RPS6KC1: variants seen among roughly 807,000 people sequenced by gnomAD.
RPS6KC1 encodes the protein ribosomal protein S6 kinase C1, also known as inactive ribosomal protein S6 kinase delta-1.
A neutral mutation model predicts 103.8 loss-of-function variants in RPS6KC1; 54 were observed. The ratio of observed to expected loss-of-function variants is 0.52; its 90% confidence interval spans 0.42 to 0.65. RPS6KC1 has a LOEUF of 0.65. RPS6KC1 is among the 30% of genes least tolerant of loss of function. The probability of loss-of-function intolerance (pLI) is 0.00; values close to 1 mark genes in which losing one functional copy is unlikely to be tolerated. For missense variants in RPS6KC1, 1,151 were observed against 1,253.8 expected (o/e 0.92, Z 1.24); for synonymous variants, 439 against 438.7 (o/e 1.00, Z -0.01).
chr1:213,793,649 C>T, the RPS6KC1 span, among the ~76,000 whole-genome samples: 2 of 152,254 alleles, frequency 1.3e-5, no homozygotes, highest in African/African-American at 2.4e-5. Context: ...GCATGTCAGT[C>T]AAGACTAACC....
chr1:213,549,067 C>T, the RPS6KC1 span, among the ~76,000 whole-genome samples: 1 of 152,192 alleles, frequency 6.6e-6, no homozygotes, highest in Non-Finnish European at 1.5e-5. Flanking sequence ...CTTCTGGTGG[C>T]TCCATTTCCC....
chr1:213,708,124 C>T, the RPS6KC1 span, among the ~76,000 whole-genome samples: 2 of 152,118 alleles, frequency 1.3e-5, no homozygotes, highest in Non-Finnish European at 2.9e-5. Flanking sequence ...TTCTAAATTA[C>T]TTTGGGCAGT....
the RPS6KC1 span, among the ~76,000 whole-genome samples, chr1:213,406,595 A>C: frequency 6.6e-6 from 1 of 152,136 alleles, no homozygotes; most frequent in African/African-American, 2.4e-5. Flanking sequence ...TGTTGGATTA[A>C]TCACTTCCCT....
At chr1:213,537,865 T>C in the RPS6KC1 span, among the ~76,000 whole-genome samples, 1 of 152,230 alleles carries the variant, frequency 6.6e-6, no homozygotes, top group Non-Finnish European at 1.5e-5. Context: ...AGGTGCTTTG[T>C]ATATATCTAT....
At chr1:213,399,430 C>G in the RPS6KC1 span, among the ~76,000 whole-genome samples, 1 of 152,134 alleles carries the variant, frequency 6.6e-6, no homozygotes, top group Admixed American at 6.5e-5. Context: ...TGAGCCTTGG[C>G]TGTTGTGCCT....
chr1:213,521,576 T>C, the RPS6KC1 span, among the ~76,000 whole-genome samples: 2 of 152,188 alleles, frequency 1.3e-5, no homozygotes, highest in Non-Finnish European at 2.9e-5. Context: ...TTGATAGCAT[T>C]TTACCCACAG....
the RPS6KC1 span, among the ~76,000 whole-genome samples, chr1:213,828,391 T>G: frequency 2.0e-5 from 3 of 152,186 alleles, no homozygotes; most frequent in Admixed American, 6.5e-5. Context: ...GAAAACAAGT[T>G]TTTTTAAATC....
the RPS6KC1 span, among the ~76,000 whole-genome samples, chr1:213,308,316 G>GAAAA: frequency 1.8e-5 from 1 of 55,854 alleles, no homozygotes. Flanking sequence ...CCTGTCTCCA[G>GAAAA]AAAAAAAAAA....
chr1:213,674,849 G>C, the RPS6KC1 span, among the ~76,000 whole-genome samples: 1 of 152,026 alleles, frequency 6.6e-6, no homozygotes, highest in Non-Finnish European at 1.5e-5. Context: ...GTATAAGATG[G>C]TATCTCATTG....
chr1:213,700,567 AT>A, the RPS6KC1 span, among the ~76,000 whole-genome samples: 8 of 148,822 alleles, frequency 5.4e-5, no homozygotes, highest in East Asian at 5.9e-4. Flanking sequence ...AAATTTTAGG[AT>A]TTTTTTTTTC....
the RPS6KC1 span, among the ~76,000 whole-genome samples, chr1:213,754,134 G>C: frequency 6.6e-6 from 1 of 152,310 alleles, no homozygotes; most frequent in Admixed American, 6.5e-5. Flanking sequence ...AAACATCATA[G>C]ACCAGGTGGC....
the RPS6KC1 span, among the ~76,000 whole-genome samples, chr1:213,475,553 C>G: frequency 3.3e-5 from 5 of 152,266 alleles, no homozygotes; most frequent in South Asian, 1.0e-3. Flanking sequence ...AAAGAACATG[C>G]CGGTGGAGCT....
At chr1:213,769,402 G>T in the RPS6KC1 span, among the ~76,000 whole-genome samples, 1 of 152,154 alleles carries the variant, frequency 6.6e-6, no homozygotes, top group East Asian at 1.9e-4. Context: ...AGGTAAGGCT[G>T]CTCTGATGGT....
At chr1:213,401,166 T>C in the RPS6KC1 span, among the ~76,000 whole-genome samples, 1 of 152,172 alleles carries the variant, frequency 6.6e-6, no homozygotes, top group Non-Finnish European at 1.5e-5. Flanking sequence ...GGTTTTCCTC[T>C]GCTTAGGTGG....
intron 6 of RPS6KC1, among the ~76,000 whole-genome samples, chr1:213,137,897 A>G (rs1353026436): frequency 7.4e-6 from 1 of 135,812 alleles, no homozygotes; most frequent in Admixed American, 7.9e-5. Context: ...ATTGGCTTAC[A>G]ATAGGGGGCC....
chr1:213,689,508 C>G, the RPS6KC1 span, among the ~76,000 whole-genome samples: 1 of 152,202 alleles, frequency 6.6e-6, no homozygotes, highest in Admixed American at 6.5e-5. Flanking sequence ...GTTCTCCCCA[C>G]AGGGTATTTC....
the RPS6KC1 span, among the ~76,000 whole-genome samples, chr1:213,843,968 T>G: frequency 3.3e-5 from 5 of 152,060 alleles, no homozygotes; most frequent in Admixed American, 1.3e-4. Flanking sequence ...ATGGCTGTTG[T>G]TGAGGACTCC....
At chr1:213,702,982 C>T in the RPS6KC1 span, among the ~76,000 whole-genome samples, 9 of 151,598 alleles carry the variant, frequency 5.9e-5, no homozygotes, top group African/African-American at 2.2e-4. Context: ...TTATTTGTTT[C>T]CTGGTTGTCT....
At chr1:213,776,005 C>A in the RPS6KC1 span, among the ~76,000 whole-genome samples, 1 of 152,186 alleles carries the variant, frequency 6.6e-6, no homozygotes, top group Non-Finnish European at 1.5e-5. Context: ...CAAGTATTAT[C>A]ATGAAATTGC....
Sources: allele counts gnomAD v4.1 joint callset (sites outside exome capture counted in the v4.1 genomes callset), GRCh38; gene constraint gnomAD v4.1.1; transcripts MANE v1.5; gene names NCBI Gene and HGNC (gene_info 2026-07-23, HGNC 2026-07-21).